The following SHLD2 variants were observed in gnomAD, a reference collection of about 807,000 sequenced individuals.
SHLD2 encodes the protein shieldin complex subunit 2.
Under a neutral mutation model 73.2 loss-of-function variants are expected in SHLD2, and 30 were observed. That is an observed-to-expected ratio of 0.41 (90% CI 0.31 to 0.56). The LOEUF is 0.56. Ranked by LOEUF, SHLD2 falls within the 20% of genes least tolerant of loss-of-function variation. SHLD2 has a pLI of 0.28. For missense variants in SHLD2, 745 were observed against 1,055.9 expected (o/e 0.71, Z 4.08); for synonymous variants, 285 against 370.1 (o/e 0.77, Z 2.64).
chr10:87,113,817 C>G (rs986573909), intron 2 of SHLD2: 3 of 152,030 alleles, frequency 2.0e-5, no homozygotes, highest in African/African-American at 7.2e-5. Flanking sequence ...AACAGCCTGG[C>G]CAACATGGTG....
chr10:87,175,058 A>T (rs1275195563), intron 6 of SHLD2, among the ~76,000 whole-genome samples: 1 of 150,456 alleles, frequency 6.6e-6, no homozygotes, highest in Non-Finnish European at 1.5e-5. Flanking sequence ...TGGAGCTTGC[A>T]GTGAGCCGAG....
chr10:87,101,583 T>A (rs1444353254), intron 2 of SHLD2, among the ~76,000 whole-genome samples: 1 of 152,196 alleles, frequency 6.6e-6, no homozygotes, highest in Non-Finnish European at 1.5e-5. Flanking sequence ...CTTAACTTCA[T>A]TTTTAGATTG....
At chr10:87,173,229 T>C (rs1432066524) in intron 6 of SHLD2, among the ~76,000 whole-genome samples, 1 of 151,942 alleles carries the variant, frequency 6.6e-6, no homozygotes, top group African/African-American at 2.4e-5. Flanking sequence ...GGTTTCACCA[T>C]GTTGGCCAGG....
intron 8 of SHLD2, among the ~76,000 whole-genome samples, chr10:87,182,487 C>T (rs1245711166): frequency 6.6e-6 from 1 of 152,194 alleles, no homozygotes; most frequent in Non-Finnish European, 1.5e-5. Context: ...ATTGGAGTCT[C>T]ATACGAGGCC....
intron 7 of SHLD2, among the ~76,000 whole-genome samples, chr10:87,178,806 G>T (rs1175917060): frequency 1.3e-5 from 2 of 152,150 alleles, no homozygotes; most frequent in African/African-American, 4.8e-5. Flanking sequence ...TTACATATTC[G>T]ATCGCTACAC....
intron 2 of SHLD2, among the ~76,000 whole-genome samples, chr10:87,131,784 A>C (rs1320577772): frequency 1.3e-5 from 2 of 152,194 alleles, no homozygotes; most frequent in Non-Finnish European, 2.9e-5. Flanking sequence ...TTAATGAGGA[A>C]CTGCCAATCT....
In SHLD2 at chr10:87,151,554, C is replaced by T; in HGVS notation, c.200C>T (p.Ser67Phe). ...KNLENYKVPE[S>F]IGSPDLSGHF... is the part of the protein sequence containing the mutation. ...CTTGAAAACTATAAAGTCCCAGAAT[C>T]TATTGGTTCTCCAGATCTTAGTGGT... Residue 67 changes from serine to phenylalanine, a missense_variant, in exon 3 of 10, where the codon TCT becomes TTT. Around this residue, in one of 5 missense-constraint regions of SHLD2, gnomAD observed 280 missense variants for 353.9 expected, o/e 0.79. Coordinates refer to ENST00000298786, the MANE Select transcript of SHLD2 (RefSeq NM_001330112.2). The T allele has an allele frequency of 1.2e-6, 2 of 1,611,394 alleles. No individual in the cohort carries two copies. Among genetic ancestry groups the T allele is most frequent in the Non-Finnish European group, 8.5e-7 (1 of 1,179,590 alleles).
chr10:87,147,197 A>G (rs940279210), intron 2 of SHLD2, among the ~76,000 whole-genome samples: 1 of 151,810 alleles, frequency 6.6e-6, no homozygotes, highest in Non-Finnish European at 1.5e-5. Flanking sequence ...CTGTGATCCT[A>G]TCAAATATAG....
At chr10:87,115,753 G>A (rs1394862988) in intron 2 of SHLD2, among the ~76,000 whole-genome samples, 2 of 152,122 alleles carry the variant, frequency 1.3e-5, no homozygotes, top group African/African-American at 2.4e-5. Flanking sequence ...TAAAAATTTC[G>A]TCAACATCAA....
intron 2 of SHLD2, among the ~76,000 whole-genome samples, chr10:87,098,941 A>G (rs1842087789): frequency 6.6e-6 from 1 of 152,074 alleles, no homozygotes; most frequent in Non-Finnish European, 1.5e-5. Context: ...ACTCCCGGCT[A>G]ACTTTTGTCT....
chr10:87,161,075 G>T (rs1381802865), intron 4 of SHLD2, among the ~76,000 whole-genome samples: 1 of 151,924 alleles, frequency 6.6e-6, no homozygotes, highest in African/African-American at 2.4e-5. Flanking sequence ...TAACATACCT[G>T]AAAACTCCAG....
intron 2 of SHLD2, among the ~76,000 whole-genome samples, chr10:87,109,700 A>G (rs1222197304): frequency 6.6e-6 from 1 of 152,048 alleles, no homozygotes; most frequent in Non-Finnish European, 1.5e-5. Flanking sequence ...TCTTCCCCCA[A>G]GTTTTTATGT....
intron 2 of SHLD2, among the ~76,000 whole-genome samples, chr10:87,110,612 A>C (rs1302196111): frequency 6.6e-6 from 1 of 151,914 alleles, no homozygotes; most frequent in African/African-American, 2.4e-5. Flanking sequence ...ATCTCAAAAA[A>C]AAAAAAAAAA....
chr10:87,145,849 A>G (rs917965804), intron 2 of SHLD2, among the ~76,000 whole-genome samples: 2 of 151,954 alleles, frequency 1.3e-5, no homozygotes, highest in African/African-American at 4.8e-5. Context: ...TGTACTTGCA[A>G]GTTTCATCTG....
chr10:87,183,205 A>G (rs1041462143), intron 8 of SHLD2, among the ~76,000 whole-genome samples: 7 of 152,234 alleles, frequency 4.6e-5, no homozygotes, highest in African/African-American at 1.7e-4. Context: ...AAGAGAGAGC[A>G]CAGGTACATT....
intron 2 of SHLD2, among the ~76,000 whole-genome samples, chr10:87,133,532 G>A (rs1365619319): frequency 6.6e-6 from 1 of 152,210 alleles, no homozygotes; most frequent in East Asian, 1.9e-4. Context: ...GTAATAATTA[G>A]CAAGTAATGA....
At chr10:87,136,017 C>A (rs1346403599) in intron 2 of SHLD2, among the ~76,000 whole-genome samples, 1 of 151,624 alleles carries the variant, frequency 6.6e-6, no homozygotes, top group African/African-American at 2.4e-5. Context: ...TACCCCTCCT[C>A]AAGGGCAAAG....
At chr10:87,149,276 A>G (rs1480462902) in intron 2 of SHLD2, among the ~76,000 whole-genome samples, 1 of 151,564 alleles carries the variant, frequency 6.6e-6, no homozygotes, top group Non-Finnish European at 1.5e-5. Context: ...TTGCTGTGCT[A>G]TTTGGGGCCC....
chr10:87,127,530 C>CG (rs1844102425), intron 2 of SHLD2, among the ~76,000 whole-genome samples: 2 of 52,354 alleles, frequency 3.8e-5, no homozygotes, highest in Admixed American at 2.1e-4. Context: ...CTCTTACCCG[C>CG]CCCCCCCCAC....
Sources: allele counts gnomAD v4.1 joint callset (sites outside exome capture counted in the v4.1 genomes callset), GRCh38; gene constraint gnomAD v4.1.1; regional missense constraint gnomAD v4.1.1; transcripts MANE v1.5; gene names NCBI Gene and HGNC (gene_info 2026-07-23, HGNC 2026-07-21).